The following RNF207 variants were observed in gnomAD, a reference collection of about 807,000 sequenced individuals.
RNF207 encodes OTTHUMG00000001089.
A neutral mutation model predicts 79.0 loss-of-function variants in RNF207; 72 were observed. The observed-to-expected ratio is 0.91, with a 90% CI of 0.75 to 1.11. The LOEUF (loss-of-function observed/expected upper bound fraction) is 1.11. RNF207 is among the 50% of genes least tolerant of loss of function. The pLI is 0.00. For synonymous variants in RNF207, 348 were observed against 366.2 expected (o/e 0.95, Z 0.57); for missense variants, 936 against 855.8 (o/e 1.09, Z -1.17).
At position 6,212,712 on chromosome 1, in the gene RNF207, A is replaced by T. The variant is rs1299041768; in HGVS notation, c.1513A>T (p.Asn505Tyr). 1 of 1,613,794 alleles carries T rather than the reference A, an allele frequency of 6.2e-7. No homozygotes were observed. Among genetic ancestry groups the T allele is most frequent in the Non-Finnish European group, 8.5e-7 (1 of 1,179,774 alleles). ...GGAGGAAGCCTATCAGCGAGTGGCT[A>T]ATGAGCAGGAGATTTATGAAGGTTC... ...IWEEAYQRVA[N>Y]EQEIYEAQLH... is the part of the protein sequence containing the mutation. The change falls in exon 15 of 18, where the codon AAT becomes TAT. Residue 505 changes from asparagine to tyrosine, a missense_variant. Coordinates refer to ENST00000377939, the MANE Select transcript of RNF207 (RefSeq NM_207396.3).
In RNF207 at chr1:6,212,317, G is replaced by A. The variant is rs200617847; in HGVS notation, c.1383G>A (p.Ala461=). 129 of 1,613,948 alleles carry A rather than the reference G, an allele frequency of 8.0e-5. No homozygotes were observed. In the African/African-American group the frequency reaches 1.3e-3, roughly 17 times the overall value. The part of the protein sequence containing the change: ...DLTKHHSLIK[A]EIMGDVLHKS... ...CCAAGCACCACTCGCTCATCAAGGC[G>A]GAGATCATGGGAGACGTCCTGCACA... Residue 461 remains alanine (A), a synonymous_variant, in exon 14 of 18, where the codon GCG becomes GCA. Transcript: ENST00000377939.
At chr1:6,216,378 G>C (rs1668360729) in intron 16 of RNF207, among the ~76,000 whole-genome samples, 1 of 152,184 alleles carries the variant, frequency 6.6e-6, no homozygotes, top group Admixed American at 6.5e-5. Flanking sequence ...GGCCGGCTCT[G>C]CTCCTCTTCA....
chr1:6,207,234 G>C lies in RNF207; in HGVS notation c.192-145G>C, dbSNP rs1418117046. 6.3e-6 allele frequency: 5 copies of C among 789,982 alleles called. No individual in the cohort carries two copies. Among genetic ancestry groups the C allele is most frequent in the Non-Finnish European group, 9.5e-6 (5 of 524,150 alleles). 48.9% of individuals were successfully genotyped at this position (789,982 alleles called of 1,614,324 possible). A position where few individuals can be genotyped will look rare whatever the true frequency, so the allele number is the denominator to read the frequency against. ...GACCAGGGCAGGGTGAGTGCTGGCT[G>C]TGATATTTATAGCAGACCCCAGAGC... On this transcript the variant is annotated intron_variant, in intron 2 of 17. Transcript: ENST00000377939. The surrounding 1 kb of genome is among the most constrained non-coding windows in gnomAD (Gnocchi z 4.5).
In RNF207 at chr1:6,206,184, A is replaced by C; in HGVS notation, c.-119A>C. ...CGGGCCTGAACTTCCAGGGCCGGCT[A>C]CTCCTCGGCAGAGCGACCGCGCGGT... On this transcript the variant is annotated 5_prime_UTR_variant, in exon 1 of 18. Coordinates refer to ENST00000377939, the MANE Select transcript of RNF207 (RefSeq NM_207396.3). 3 of 234,034 alleles carry C rather than the reference A, an allele frequency of 1.3e-5. No individual in the cohort carries two copies. Among genetic ancestry groups the C allele is most frequent in the Non-Finnish European group, 2.5e-5 (3 of 121,698 alleles). The allele number at this position is 234,034 out of a possible 1,614,324, so 14.5% of individuals were successfully genotyped here. A position where few individuals can be genotyped will look rare whatever the true frequency, so the allele number is the denominator to read the frequency against.
chr1:6,207,824 C>A lies in RNF207; in HGVS notation c.324+313C>A. ...CAGGAGGGGCAGTCCAGTTTGCAGG[C>A]CTGGGCCGACCCTGAAGGGCCTCTG... On this transcript the variant is annotated intron_variant, in intron 3 of 17. Transcript: ENST00000377939. This position sits in a 1 kb window ranked among gnomAD's most constrained non-coding sequence, Gnocchi z 4.5. 1 of 560,224 alleles carries A rather than the reference C, an allele frequency of 1.8e-6. No homozygotes were observed. 34.7% of individuals were successfully genotyped at this position (560,224 alleles called of 1,614,324 possible).
chr1:6,208,586 C>G (rs1395382176), intron 3 of RNF207: 1 of 408,162 alleles, frequency 2.5e-6, no homozygotes, highest in African/African-American at 2.2e-5. Context: ...GGATTACAGG[C>G]GTGAGCCACC....
In RNF207 at chr1:6,218,456, C is replaced by G. The variant is rs1440843970; in HGVS notation, c.1733+87C>G. ...GACAAAGGAAACTCCAGGCTTTTCC[C>G]CTTTGGCGCCAGCTCTGGGGCCCTG... On this transcript the variant is annotated intron_variant, in intron 17 of 17. Transcript: ENST00000377939. 6.9e-6 allele frequency: 7 copies of G among 1,020,832 alleles called. No homozygotes were observed. The East Asian group carries it at 1.8e-4, about 26-fold the overall frequency. 63.2% of individuals were successfully genotyped at this position (1,020,832 alleles called of 1,614,324 possible). A position where few individuals can be genotyped will look rare whatever the true frequency, so the allele number is the denominator to read the frequency against.
chr1:6,209,545 G>T lies in RNF207; in HGVS notation c.753+6G>T. The T allele has an allele frequency of 1.4e-6, 2 of 1,454,490 alleles. No homozygotes were observed. Among genetic ancestry groups the T allele is most frequent in the Non-Finnish European group, 1.8e-6 (2 of 1,112,222 alleles). The allele number at this position is 1,454,490 out of a possible 1,614,324, so 90.1% of individuals were successfully genotyped here. A position where few individuals can be genotyped will look rare whatever the true frequency, so the allele number is the denominator to read the frequency against. On this transcript the variant is annotated splice_donor_region_variant and intron_variant, in intron 7 of 17. Coordinates refer to ENST00000377939, the MANE Select transcript of RNF207 (RefSeq NM_207396.3). ...CCCTCTTCGGCAGCATGCAGGTGAG[G>T]GGTGGGGGTTGGGGGATAAACGACC...
At chr1:6,206,767 C>T (rs761359877) in intron 2 of RNF207, 41 bp downstream of exon 2, 2 of 1,549,844 alleles carry the variant, frequency 1.3e-6, no homozygotes, top group South Asian at 1.2e-5. Context: ...CAGACCCCAT[C>T]CCCCGGGCCC....
Position 6,209,265 on chromosome 1 carries a change from C to A in RNF207, c.552-3C>A. ...AGCGGGCCTCACCCGCCGCCTTCTG[C>A]AGGGAGAGCCGGGCACACTGCGTGG... On this transcript the variant is annotated splice_region_variant and splice_polypyrimidine_tract_variant and intron_variant, in intron 5 of 17. Coordinates refer to ENST00000377939, the MANE Select transcript of RNF207 (RefSeq NM_207396.3). 1 of 1,549,298 alleles carries A rather than the reference C, an allele frequency of 6.5e-7. No homozygotes were observed. The highest frequency in any genetic ancestry group is 8.7e-7 in the Non-Finnish European group (1 of 1,146,648).
At chr1:6,212,208 T>G (rs1668201845) in intron 13 of RNF207, 23 bp from the exon 14 acceptor site, 1 of 1,602,776 alleles carries the variant, frequency 6.2e-7, no homozygotes, top group Non-Finnish European at 8.5e-7. Flanking sequence ...TGACCCACGC[T>G]CTCACACAGC....
chr1:6,211,839 C>G lies in RNF207; in HGVS notation c.1110-28C>G, dbSNP rs372206283. ...GGGGAGGGGCAGACTTCCCCACCCC[C>G]CTGCATCCACACTGGCTCTCTCCCC... On this transcript the variant is annotated intron_variant, in intron 12 of 17. Coordinates refer to ENST00000377939, the MANE Select transcript of RNF207 (RefSeq NM_207396.3). The surrounding 1 kb of genome is among the most constrained non-coding windows in gnomAD (Gnocchi z 4.2). 1,429 of 1,530,408 alleles carry G rather than the reference C, an allele frequency of 9.3e-4. 8 individuals are homozygous for G. The African/African-American group carries it at 0.017, about 18-fold the overall frequency. 94.8% of individuals were successfully genotyped at this position (1,530,408 alleles called of 1,614,324 possible). A position where few individuals can be genotyped will look rare whatever the true frequency, so the allele number is the denominator to read the frequency against.
At chr1:6,216,155 G>A (rs1179381210) in intron 16 of RNF207, among the ~76,000 whole-genome samples, 2 of 152,198 alleles carry the variant, frequency 1.3e-5, no homozygotes, top group Non-Finnish European at 2.9e-5. Flanking sequence ...GACTTCGGCT[G>A]CAGTGGGAGA....
Position 6,209,208 on chromosome 1 carries a change from G to T in RNF207, c.551+12G>T. ...CGCGACATGCAGAAGTGCGTACAGG[G>T]GACGCGAGGGGAGGGGGCTGGGGGC... On this transcript the variant is annotated intron_variant, in intron 5 of 17. Transcript: ENST00000377939. 6.4e-7 allele frequency: 1 copy of T among 1,551,308 alleles called. No homozygotes were observed. Among genetic ancestry groups the T allele is most frequent in the Non-Finnish European group, 8.7e-7 (1 of 1,147,298 alleles).
At position 6,206,260 on chromosome 1, in the gene RNF207, G is replaced by C; in HGVS notation, c.-43G>C. 1 of 410,936 alleles carries C rather than the reference G, an allele frequency of 2.4e-6. No homozygotes were observed. The highest frequency in any genetic ancestry group is 4.5e-5 in the South Asian group (1 of 22,270). The allele number at this position is 410,936 out of a possible 1,614,324, so 25.5% of individuals were successfully genotyped here. A position where few individuals can be genotyped will look rare whatever the true frequency, so the allele number is the denominator to read the frequency against. On this transcript the variant is annotated 5_prime_UTR_variant, in exon 1 of 18. Coordinates refer to ENST00000377939, the MANE Select transcript of RNF207 (RefSeq NM_207396.3). ...ACTAAGAGCGCTGGACGGCGGGAGA[G>C]AGGCTCGGAGGACCGGTAGCTCCCA...
At position 6,213,052 on chromosome 1, in the gene RNF207, C is replaced by T. The variant is rs1255692851; in HGVS notation, c.1535-14C>T. 6.4e-7 allele frequency: 1 copy of T among 1,567,162 alleles called. No homozygotes were observed. The highest frequency in any genetic ancestry group is 1.1e-5 in the South Asian group (1 of 89,708). ...TCAGGATTAAGACCCCATGCTCTGGCCTTGGCCCCACAGCCCAGCTCCATG... is the reference window on the plus strand; with the variant it reads ...TCAGGATTAAGACCCCATGCTCTGGTCTTGGCCCCACAGCCCAGCTCCATG... On this transcript the variant is annotated splice_polypyrimidine_tract_variant and intron_variant, in intron 15 of 17. Transcript: ENST00000377939.
In RNF207 at chr1:6,211,950, A is replaced by C. The variant is rs1270275954; in HGVS notation, c.1193A>C (p.Gln398Pro). The C allele has an allele frequency of 6.4e-7, 1 of 1,562,110 alleles. No individual in the cohort carries two copies. Among genetic ancestry groups the C allele is most frequent in the Non-Finnish European group, 8.7e-7 (1 of 1,153,608 alleles). ...PVGKMSGSPV[Q>P]KPTLHRSIST... ...GGAAAGATGTCGGGGTCACCCGTCC[A>C]AAAGCCCACGCTGCACCGGTCCATC... Residue 398 changes from glutamine (Q) to proline (P), a missense_variant, in exon 13 of 18, where the codon CAA becomes CCA. By Grantham distance (76) the Gln-to-Pro change is moderately conservative. Coordinates refer to ENST00000377939, the MANE Select transcript of RNF207 (RefSeq NM_207396.3). The surrounding 1 kb of genome is among the most constrained non-coding windows in gnomAD (Gnocchi z 4.2).
Position 6,206,640 on chromosome 1 carries a change from G to C in RNF207, c.105G>C (p.Pro35=). The change falls in exon 2 of 18, where the codon CCG becomes CCC. Residue 35 remains proline, a synonymous_variant. Transcript: ENST00000377939. ...TGTGCCACGTGCAGTACGAGCGCCCGTGTCTTCTGGACTGTTTCCACGACT... is the reference window on the plus strand; with the variant it reads ...TGTGCCACGTGCAGTACGAGCGCCCCTGTCTTCTGGACTGTTTCCACGACT... ...CPLCHVQYER[P]CLLDCFHDFC... is the part of the protein sequence containing the mutation. 2 of 1,608,208 alleles carry C rather than the reference G, an allele frequency of 1.2e-6. No individual in the cohort carries two copies. Among genetic ancestry groups the C allele is most frequent in the Middle Eastern group, 1.7e-4 (1 of 6,046 alleles).
intron 8 of RNF207, 82 bp from the exon 9 acceptor site, chr1:6,210,141 G>A (rs1426419891): frequency 1.4e-6 from 2 of 1,386,268 alleles, no homozygotes; most frequent in Non-Finnish European, 1.0e-6. Flanking sequence ...GGACGGACAT[G>A]CGAAGCTGGA....
Sources: gnomAD v4.1 joint callset for allele counts (sites outside exome capture counted in the v4.1 genomes callset) on GRCh38, gnomAD v4.1.1 for gene constraint, Gnocchi (gnomAD v3.1) non-coding constraint, MANE v1.5 for transcripts, NCBI Gene and HGNC (gene_info 2026-07-23, HGNC 2026-07-21) for gene names.